Variants in SLIT2 observed in about 807,000 individuals in gnomAD.
The protein encoded by SLIT2 is slit guidance ligand 2.
SLIT2 carries 41 observed loss-of-function variants against 185.7 expected under a neutral mutation model. The ratio of observed to expected loss-of-function variants is 0.22; its 90% CI spans 0.17 to 0.29. SLIT2 has a LOEUF of 0.29. Among genes scored for constraint, SLIT2 ranks in the 10% least tolerant of loss-of-function variants. The probability of loss-of-function intolerance (pLI) is 1.00; values close to 1 mark genes in which losing one functional copy is unlikely to be tolerated. For missense variants in SLIT2, 1,571 were observed against 1,909.0 expected (o/e 0.82, Z 3.30); for synonymous variants, 693 against 680.2 (o/e 1.02, Z -0.29).
At chr4:20,573,269 C>A (rs771054371) in intron 29 of SLIT2, 5 of 702,900 alleles carry the variant, frequency 7.1e-6, no homozygotes, top group Non-Finnish European at 1.3e-5. Flanking sequence ...AGGTTAGTTG[C>A]CTTTTAAGTC....
intron 4 of SLIT2, among the ~76,000 whole-genome samples, chr4:20,289,136 G>A (rs903938239): frequency 5.9e-5 from 9 of 152,116 alleles, no homozygotes; most frequent in Non-Finnish European, 1.3e-4. Context: ...AACAATGTCC[G>A]TACTCTCCAA....
At chr4:20,604,304 A>G (rs1376219324) in intron 33 of SLIT2, among the ~76,000 whole-genome samples, 2 of 152,362 alleles carry the variant, frequency 1.3e-5, no homozygotes, top group Middle Eastern at 3.4e-3. Context: ...TACTTGAACA[A>G]CTATTTTCTA....
intron 4 of SLIT2, among the ~76,000 whole-genome samples, chr4:20,409,113 G>A (rs1479613846): frequency 6.6e-6 from 1 of 152,116 alleles, no homozygotes; most frequent in Admixed American, 6.5e-5. Context: ...TGCAGGATGT[G>A]CAGGTTGGTT....
chr4:20,259,296 TAGTA>T (rs923115833), intron 3 of SLIT2, among the ~76,000 whole-genome samples: 38 of 151,912 alleles, frequency 2.5e-4, no homozygotes, highest in African/African-American at 8.2e-4. Flanking sequence ...AGCTAATTCC[TAGTA>T]AGTAACTTGC....
intron 4 of SLIT2, among the ~76,000 whole-genome samples, chr4:20,323,150 A>G (rs1719252236): frequency 6.6e-6 from 1 of 152,092 alleles, no homozygotes; most frequent in African/African-American, 2.4e-5. Flanking sequence ...TCTCCTATCT[A>G]GGCAAAGATA....
chr4:20,445,724 C>A (rs1711711882), intron 4 of SLIT2, among the ~76,000 whole-genome samples: 1 of 152,126 alleles, frequency 6.6e-6, no homozygotes, highest in African/African-American at 2.4e-5. Flanking sequence ...TCTCTTTTTT[C>A]TCTTAAAATA....
At chr4:20,360,463 C>A (rs1039088584) in intron 4 of SLIT2, among the ~76,000 whole-genome samples, 14 of 152,212 alleles carry the variant, frequency 9.2e-5, no homozygotes, top group Non-Finnish European at 1.6e-4. Flanking sequence ...ATAAGCCTCT[C>A]TTTTAACAGG....
At chr4:20,447,116 A>G (rs1711898287) in intron 4 of SLIT2, among the ~76,000 whole-genome samples, 1 of 152,210 alleles carries the variant, frequency 6.6e-6, no homozygotes, top group African/African-American at 2.4e-5. Context: ...TCAGCAGACC[A>G]TCCTTTGGAT....
rs1293154162 is a variant in SLIT2, at chr4:20,528,134, T to C, written c.1463-815T>C. On this transcript the variant is annotated intron_variant, in intron 15 of 36. Coordinates refer to ENST00000504154, the MANE Select transcript of SLIT2 (RefSeq NM_004787.4). The surrounding 1 kb of genome is among the most constrained non-coding windows in gnomAD (Gnocchi z 4.2). ...GTTTCCAGGAAATCATCGGTAGTAA[T>C]ACTCTTACTGTGGTCATAAACATTC... 9.3e-6 allele frequency: 4 copies of C among 431,238 alleles called. No individual in the cohort carries two copies. The highest frequency in any genetic ancestry group is 3.5e-5 in the South Asian group (2 of 57,248). The allele number at this position is 431,238 out of a possible 1,614,324, so 26.7% of individuals were successfully genotyped here.
intron 4 of SLIT2, among the ~76,000 whole-genome samples, chr4:20,270,601 T>G (rs937984990): frequency 6.6e-6 from 1 of 151,960 alleles, no homozygotes; most frequent in Non-Finnish European, 1.5e-5. Flanking sequence ...GTGTTCAGAT[T>G]TTTTTATGTG....
At chr4:20,383,198 G>T (rs891637386) in intron 4 of SLIT2, among the ~76,000 whole-genome samples, 1 of 152,046 alleles carries the variant, frequency 6.6e-6, no homozygotes, top group African/African-American at 2.4e-5. Context: ...CTTAACTTTG[G>T]TTATAGCAAA....
intron 4 of SLIT2, among the ~76,000 whole-genome samples, chr4:20,326,165 A>G (rs970296958): frequency 1.3e-5 from 2 of 152,100 alleles, no homozygotes; most frequent in African/African-American, 4.8e-5. Context: ...AGTTCTAAGG[A>G]TAATTCTATT....
intron 4 of SLIT2, among the ~76,000 whole-genome samples, chr4:20,340,142 G>A (rs1419531710): frequency 6.6e-6 from 1 of 151,998 alleles, no homozygotes; most frequent in Non-Finnish European, 1.5e-5. Flanking sequence ...ATTTTTATGG[G>A]GAACATGAGA....
chr4:20,402,935 T>G (rs1255461876), intron 4 of SLIT2, among the ~76,000 whole-genome samples: 2 of 151,778 alleles, frequency 1.3e-5, no homozygotes, highest in South Asian at 2.1e-4. Flanking sequence ...GTAATACTAT[T>G]TATATAAAAT....
chr4:20,413,337 T>G (rs1205207761), intron 4 of SLIT2, among the ~76,000 whole-genome samples: 1 of 152,096 alleles, frequency 6.6e-6, no homozygotes, highest in Non-Finnish European at 1.5e-5. Context: ...ATAACATATT[T>G]CAATATTATT....
In SLIT2 at chr4:20,336,321, C is replaced by A. The variant is rs1205237689; in HGVS notation, c.395+67440C>A. 2.0e-5 allele frequency among the ~76,000 whole-genome samples: 3 copies of A among 152,122 alleles called. No homozygotes were observed. The South Asian group carries it at 6.2e-4, about 32-fold the overall frequency. ...GATAGACTGGATTAAGAAAATGTGG[C>A]ACATATACACCATGGAATACTTTGT... On this transcript the variant is annotated intron_variant, in intron 4 of 36. Transcript: ENST00000504154.
chr4:20,530,830 CAT>C, intron 16 of SLIT2, among the ~76,000 whole-genome samples: 1 of 151,946 alleles, frequency 6.6e-6, no homozygotes, highest in East Asian at 1.9e-4. Context: ...TTAAATTATT[CAT>C]ATTGACCTTT....
At chr4:20,465,980 T>C (rs1288828360) in intron 4 of SLIT2, among the ~76,000 whole-genome samples, 2 of 151,690 alleles carry the variant, frequency 1.3e-5, no homozygotes, top group African/African-American at 4.8e-5. Flanking sequence ...TTTTTTTGTC[T>C]TTGAAGTGGA....
At chr4:20,457,543 T>A (rs2148723828) in intron 4 of SLIT2, among the ~76,000 whole-genome samples, 1 of 152,226 alleles carries the variant, frequency 6.6e-6, no homozygotes, top group South Asian at 2.1e-4. Flanking sequence ...AGGTCTTTTT[T>A]GATGATCATC....
Sources: gnomAD v4.1 joint callset for allele counts (sites outside exome capture counted in the v4.1 genomes callset) on GRCh38, gnomAD v4.1.1 for gene constraint, Gnocchi (gnomAD v3.1) non-coding constraint, MANE v1.5 for transcripts, NCBI Gene and HGNC (gene_info 2026-07-23, HGNC 2026-07-21) for gene names.